The following CMTR1 variants were observed in gnomAD, a reference collection of about 807,000 sequenced individuals.
CMTR1 encodes the protein cap methyltransferase 1.
Under a neutral mutation model 107.0 loss-of-function variants are expected in CMTR1, and 39 were observed. The ratio of observed to expected loss-of-function variants is 0.36; its 90% CI spans 0.28 to 0.48. The LOEUF (loss-of-function observed/expected upper bound fraction) is 0.48. CMTR1 is among the 20% of genes least tolerant of loss of function. CMTR1 has a pLI of 0.99. For missense variants in CMTR1, 672 were observed against 1,064.9 expected, an observed-to-expected ratio of 0.63 and a Z score of 5.14; for synonymous variants, 366 against 379.5, an observed-to-expected ratio of 0.96 and a Z score of 0.41.
At chr6:37,464,734 T>C (rs571955538) in intron 13 of CMTR1, among the ~76,000 whole-genome samples, 139 of 152,246 alleles carry the variant, frequency 9.1e-4, no homozygotes, top group African/African-American at 3.2e-3. Context: ...TATTTCCAGT[T>C]TGGGGCTGTT....
intron 10 of CMTR1, 95 bp downstream of exon 10, chr6:37,459,779 C>T (rs1761364552): frequency 2.3e-6 from 2 of 857,446 alleles, no homozygotes; most frequent in Non-Finnish European, 4.0e-6. Context: ...TAGCTGCTCC[C>T]AAAGATGGTA....
chr6:37,451,907 G>T, intron 6 of CMTR1, 30 bp downstream of exon 6: 1 of 1,580,532 alleles, frequency 6.3e-7, no homozygotes, highest in South Asian at 1.1e-5. Flanking sequence ...ACCAGATAAT[G>T]AAAACCTTGT....
upstream of CMTR1, among the ~76,000 whole-genome samples, chr6:37,428,431 C>A (rs1008238479): frequency 6.6e-6 from 1 of 152,040 alleles, no homozygotes; most frequent in Non-Finnish European, 1.5e-5. Context: ...GGTTCCCTGG[C>A]TCTGTTTGTC....
intron 8 of CMTR1, among the ~76,000 whole-genome samples, chr6:37,455,824 A>G (rs984133324): frequency 1.3e-5 from 2 of 152,200 alleles, no homozygotes; most frequent in Admixed American, 6.5e-5. Context: ...ACAGTTTGTA[A>G]AGCTCTTCAA....
chr6:37,448,252 G>A (rs1771850509), intron 4 of CMTR1, among the ~76,000 whole-genome samples: 1 of 150,194 alleles, frequency 6.7e-6, no homozygotes, highest in African/African-American at 2.4e-5. Flanking sequence ...TCAGTTGGCA[G>A]CCACTTCTTT....
At position 37,480,267 on chromosome 6, in the gene CMTR1, A is replaced by G. The variant is rs1761828210; in HGVS notation, c.*122A>G. 6.7e-7 allele frequency: 1 copy of G among 1,490,206 alleles called. No individual in the cohort carries two copies. Among genetic ancestry groups the G allele is most frequent in the Admixed American group, 2.7e-5 (1 of 36,774 alleles). The allele number at this position is 1,490,206 out of a possible 1,614,324, so 92.3% of individuals were successfully genotyped here. A position where few individuals can be genotyped will look rare whatever the true frequency, so the allele number is the denominator to read the frequency against. ...GGGACTGGGGAGCATTGCACCTGGCATGAGGAGTGGGTGGCCTCCTCTCCA... is the reference window on the plus strand; with the variant it reads ...GGGACTGGGGAGCATTGCACCTGGCGTGAGGAGTGGGTGGCCTCCTCTCCA... On this transcript the variant is annotated 3_prime_UTR_variant, in exon 24 of 24. Transcript: ENST00000373451.
At chr6:37,433,161 C>T (rs909282641), upstream of CMTR1, 2 of 152,568 alleles carry the variant, frequency 1.3e-5, no homozygotes, top group Admixed American at 6.5e-5. Context: ...GGGGCCGGGA[C>T]CCGGCCGGGG....
chr6:37,432,344 A>G (rs1771402432), upstream of CMTR1, among the ~76,000 whole-genome samples: 2 of 152,180 alleles, frequency 1.3e-5, no homozygotes, highest in Non-Finnish European at 2.9e-5. Context: ...CCTTCTTTTC[A>G]CAGGTGTTGA....
chr6:37,440,025 G>A (rs1016734154), intron 2 of CMTR1, among the ~76,000 whole-genome samples: 8 of 152,142 alleles, frequency 5.3e-5, no homozygotes, highest in Non-Finnish European at 8.8e-5. Context: ...ACAGCCAGGA[G>A]ACCTCTGTTT....
At chr6:37,474,681 A>G (rs1455199208) in intron 18 of CMTR1, 35 bp downstream of exon 18, 2 of 1,610,220 alleles carry the variant, frequency 1.2e-6, no homozygotes, top group Non-Finnish European at 1.7e-6. Flanking sequence ...TTGGCCCTGC[A>G]GCTAGGGGAC....
In CMTR1 at chr6:37,479,226, C is replaced by G. The variant is rs1249762418; in HGVS notation, c.2346C>G (p.Asp782Glu). The G allele has an allele frequency of 1.2e-6, 2 of 1,613,786 alleles. No individual in the cohort carries two copies. Among genetic ancestry groups the G allele is most frequent in the Non-Finnish European group, 8.5e-7 (1 of 1,179,648 alleles). ...AGAAAACCAAGGACTCTACTTTTGACCTCCCTGCAGACTCCATTGCCCCAT... is the reference window on the plus strand; with the variant it reads ...AGAAAACCAAGGACTCTACTTTTGAGCTCCCTGCAGACTCCATTGCCCCAT... ...YNKKTKDSTF[D>E]LPADSIAPFH... The change falls in exon 23 of 24, where the codon GAC (aspartate) becomes GAG (glutamate). Residue 782 changes from aspartate to glutamate, a missense_variant. Asp to Glu is a conservative substitution (Grantham distance 45). Transcript: ENST00000373451.
chr6:37,475,714 G>A (rs1271128496), intron 19 of CMTR1: 1 of 517,474 alleles, frequency 1.9e-6, no homozygotes, highest in Non-Finnish European at 3.5e-6. Context: ...TGCGGGTAGA[G>A]GGGGTACTCC....
chr6:37,481,483 A>G lies in CMTR1; in HGVS notation c.*1338A>G, dbSNP rs1005314857. The G allele has an allele frequency of 1.8e-6, 2 of 1,114,220 alleles. No individual in the cohort carries two copies. The highest frequency in any genetic ancestry group is 2.2e-6 in the Non-Finnish European group (2 of 905,278). 69.0% of individuals were successfully genotyped at this position (1,114,220 alleles called of 1,614,324 possible). A position where few individuals can be genotyped will look rare whatever the true frequency, so the allele number is the denominator to read the frequency against. On this transcript the variant is annotated 3_prime_UTR_variant, in exon 24 of 24. Transcript: ENST00000373451. ...ATCAGTGTGTCTTGCAGAATCTTGG[A>G]TCATTAAAGATAAACATATTTTTAA...
intron 10 of CMTR1, 105 bp from the exon 11 acceptor site, chr6:37,461,444 T>C: frequency 1.6e-6 from 1 of 615,950 alleles, no homozygotes; most frequent in Non-Finnish European, 2.9e-6. Context: ...CAGATGGTGA[T>C]CAGTGAAAAC....
Position 37,444,047 on chromosome 6 carries a change from A to G in CMTR1, c.182A>G (p.Gln61Arg). The part of the protein sequence containing the change: ...SGSDSETEGK[Q>R]HSSDSFDDAF... ...TCTGATAGTGAGACCGAGGGGAAAC[A>G]ACACAGCTCTGACTCTTTTGACGAT... Residue 61 changes from glutamine (Q) to arginine (R), a missense_variant, in exon 3 of 24, where the codon CAA (glutamine) becomes CGA (arginine). Coordinates refer to ENST00000373451, the MANE Select transcript of CMTR1 (RefSeq NM_015050.3). The G allele has an allele frequency of 6.2e-7, 1 of 1,614,190 alleles. No individual in the cohort carries two copies. Among genetic ancestry groups the G allele is most frequent in the Non-Finnish European group, 8.5e-7 (1 of 1,180,032 alleles).
In CMTR1 at chr6:37,481,102, CCTTT is replaced by C. The variant is rs776689983; in HGVS notation, c.*958_*961del. 1.4e-5 allele frequency: 18 copies of C among 1,304,290 alleles called. No homozygotes were observed. The highest frequency in any genetic ancestry group is 1.8e-5 in the Non-Finnish European group (18 of 988,952). The allele number at this position is 1,304,290 out of a possible 1,614,324, so 80.8% of individuals were successfully genotyped here. On this transcript the variant is annotated 3_prime_UTR_variant, in exon 24 of 24. Transcript: ENST00000373451. ...CAGCTCCCTTACTACCCTTTCCCTTCCTTTTTCTTCCCTAATAGGAGGTACAATC... is the reference window on the plus strand; with the variant it reads ...CAGCTCCCTTACTACCCTTTCCCTTCTTCTTCCCTAATAGGAGGTACAATC...
chr6:37,468,768 A>G (rs1761561218), intron 13 of CMTR1, among the ~76,000 whole-genome samples: 2 of 152,300 alleles, frequency 1.3e-5, no homozygotes, highest in Middle Eastern at 3.4e-3. Context: ...CTGTAATCCC[A>G]GCTACTCGGG....
chr6:37,462,723 G>A (rs1019602772), intron 12 of CMTR1, 106 bp from the exon 13 acceptor site: 76 of 1,063,396 alleles, frequency 7.1e-5, no homozygotes, highest in Non-Finnish European at 9.5e-5. Context: ...GCCTAAGGTT[G>A]AACAGGGAAG....
chr6:37,443,358 CTT>C (rs67268523), intron 2 of CMTR1, among the ~76,000 whole-genome samples: 3 of 145,038 alleles, frequency 2.1e-5, no homozygotes. Flanking sequence ...AATGTACTTT[CTT>C]TTTTTTTTTT....
Sources: gnomAD v4.1 joint callset for allele counts (sites outside exome capture counted in the v4.1 genomes callset) on GRCh38, gnomAD v4.1.1 for gene constraint, MANE v1.5 for transcripts, NCBI Gene and HGNC (gene_info 2026-07-23, HGNC 2026-07-21) for gene names.